PDE10A: variants seen among roughly 807,000 people sequenced by gnomAD.
PDE10A encodes the protein phosphodiesterase 10A.
Under a neutral mutation model 97.7 loss-of-function variants are expected in PDE10A, and 39 were observed. The observed-to-expected ratio is 0.40, with a 90% CI of 0.31 to 0.52. PDE10A has a LOEUF of 0.52. Among genes scored for constraint, PDE10A ranks in the 20% least tolerant of loss-of-function variants. PDE10A has a pLI of 0.56. For synonymous variants in PDE10A, 371 were observed against 376.8 expected (o/e 0.98, Z 0.18); for missense variants, 731 against 1,047.8 (o/e 0.70, Z 4.17).
intron 1 of PDE10A, among the ~76,000 whole-genome samples, chr6:165,860,690 C>T (rs774861217): frequency 3.3e-4 from 51 of 152,244 alleles, no homozygotes; most frequent in Middle Eastern, 3.4e-3. Context: ...AGCAAGTAGG[C>T]GAATTTGCAA....
intron 17 of PDE10A, among the ~76,000 whole-genome samples, chr6:165,380,837 G>C (rs1262967973): frequency 6.6e-6 from 1 of 152,206 alleles, no homozygotes; most frequent in Non-Finnish European, 1.5e-5. Context: ...TTCATGCTAT[G>C]GTATCTGCTT....
At chr6:165,484,569 C>T (rs1047101152) in intron 2 of PDE10A, among the ~76,000 whole-genome samples, 1 of 152,102 alleles carries the variant, frequency 6.6e-6, no homozygotes, top group African/African-American at 2.4e-5. Context: ...GTGATGCTAG[C>T]GCTGGGGAGT....
chr6:165,337,592 C>A (rs1042821477), intron 20 of PDE10A, among the ~76,000 whole-genome samples: 1 of 152,154 alleles, frequency 6.6e-6, no homozygotes, highest in African/African-American at 2.4e-5. Flanking sequence ...TAGAGTATTT[C>A]ATTATTATGG....
chr6:165,343,015 G>T (rs571460050), intron 19 of PDE10A, among the ~76,000 whole-genome samples: 2 of 152,154 alleles, frequency 1.3e-5, no homozygotes, highest in Non-Finnish European at 2.9e-5. Flanking sequence ...TTAACTGCAG[G>T]TGGATATATC....
intron 1 of PDE10A, among the ~76,000 whole-genome samples, chr6:165,697,060 A>G (rs1321616332): frequency 6.6e-6 from 1 of 152,218 alleles, no homozygotes; most frequent in African/African-American, 2.4e-5. Flanking sequence ...GCCATTAAAC[A>G]TACCCAAATA....
At chr6:165,617,956 T>TACA (rs2128405148) in intron 1 of PDE10A, among the ~76,000 whole-genome samples, 1 of 152,184 alleles carries the variant, frequency 6.6e-6, no homozygotes, top group South Asian at 2.1e-4. Context: ...TCAGGCACAG[T>TACA]GGTTCACTCC....
At chr6:165,523,411 C>T (rs1049517108) in intron 2 of PDE10A, among the ~76,000 whole-genome samples, 9 of 151,930 alleles carry the variant, frequency 5.9e-5, no homozygotes, top group African/African-American at 2.2e-4. Flanking sequence ...AGTACTGGTA[C>T]AAAAACAGAC....
intron 1 of PDE10A, among the ~76,000 whole-genome samples, chr6:165,985,040 G>A (rs1785143887): frequency 6.6e-6 from 1 of 152,218 alleles, no homozygotes; most frequent in Non-Finnish European, 1.5e-5. Flanking sequence ...GCCCAAGCCA[G>A]TCTCTCTGGA....
intron 1 of PDE10A, among the ~76,000 whole-genome samples, chr6:165,857,558 C>G (rs984517806): frequency 2.0e-5 from 3 of 152,082 alleles, no homozygotes; most frequent in African/African-American, 7.2e-5. Context: ...ACACCGGCAT[C>G]CTTTGAGGTT....
At chr6:165,366,231 C>T (rs550813896) in intron 18 of PDE10A, among the ~76,000 whole-genome samples, 1 of 152,282 alleles carries the variant, frequency 6.6e-6, no homozygotes, top group South Asian at 2.1e-4. Flanking sequence ...TGCTTGCTTT[C>T]TTCACAATAA....
chr6:165,629,081 A>T (rs1295037906), intron 1 of PDE10A, among the ~76,000 whole-genome samples: 2 of 152,036 alleles, frequency 1.3e-5, no homozygotes, highest in Non-Finnish European at 2.9e-5. Flanking sequence ...GCGAGTGGGT[A>T]GATGGTGTGG....
At chr6:165,971,045 G>A (rs994899128) in intron 1 of PDE10A, among the ~76,000 whole-genome samples, 6 of 152,128 alleles carry the variant, frequency 3.9e-5, no homozygotes, top group Admixed American at 6.5e-5. Context: ...TTACTCGGAA[G>A]GCTGAGGCAG....
intron 1 of PDE10A, among the ~76,000 whole-genome samples, chr6:165,942,624 G>A (rs1457210756): frequency 6.6e-6 from 1 of 152,126 alleles, no homozygotes; most frequent in Non-Finnish European, 1.5e-5. Context: ...TGCCTTGTCT[G>A]CTCCCAGTTT....
chr6:165,436,202 C>T (rs919025577), intron 5 of PDE10A, among the ~76,000 whole-genome samples: 5 of 152,054 alleles, frequency 3.3e-5, no homozygotes, highest in African/African-American at 9.7e-5. Context: ...TTATTTTTAT[C>T]TTATGTTGGA....
At chr6:165,915,397 G>T (rs1021979579) in intron 1 of PDE10A, among the ~76,000 whole-genome samples, 8 of 152,154 alleles carry the variant, frequency 5.3e-5, no homozygotes. Context: ...TACTGCACAC[G>T]AATGCTACAA....
At chr6:165,381,105 G>T (rs2128207985) in intron 17 of PDE10A, among the ~76,000 whole-genome samples, 1 of 152,250 alleles carries the variant, frequency 6.6e-6, no homozygotes, top group South Asian at 2.1e-4. Flanking sequence ...AAATATTCTA[G>T]TCTGCTGTTG....
intron 1 of PDE10A, among the ~76,000 whole-genome samples, chr6:165,809,625 C>A (rs1426543345): frequency 2.0e-5 from 3 of 152,172 alleles, no homozygotes; most frequent in South Asian, 2.1e-4. Context: ...TGTAGAGCCT[C>A]ACTCCACTCC....
chr6:165,501,791 G>C (rs998572338), intron 2 of PDE10A, among the ~76,000 whole-genome samples: 1 of 152,162 alleles, frequency 6.6e-6, no homozygotes, highest in African/African-American at 2.4e-5. Flanking sequence ...TGTCGAACTT[G>C]ACAAGGTATC....
chr6:165,518,729 C>A (rs1781963787), intron 2 of PDE10A, among the ~76,000 whole-genome samples: 1 of 152,124 alleles, frequency 6.6e-6, no homozygotes, highest in Non-Finnish European at 1.5e-5. Flanking sequence ...GCAGTAAGAA[C>A]AAATTTTCTG....
Sources: gnomAD v4.1 joint callset for allele counts (sites outside exome capture counted in the v4.1 genomes callset) on GRCh38, gnomAD v4.1.1 for gene constraint, MANE v1.5 for transcripts, NCBI Gene and HGNC (gene_info 2026-07-23, HGNC 2026-07-21) for gene names.